The following SPAG16 variants were observed in gnomAD, a reference collection of about 807,000 sequenced individuals.
SPAG16 encodes sperm associated antigen 16, also known as sperm-associated antigen 16 protein.
SPAG16 carries 86 observed loss-of-function variants against 80.4 expected under a neutral mutation model. The ratio of observed to expected loss-of-function variants is 1.07; its 90% CI spans 0.90 to 1.28. SPAG16 has a LOEUF of 1.28. Among genes scored for constraint, SPAG16 ranks in the 50% most tolerant of loss-of-function variants. The probability of loss-of-function intolerance (pLI) is 0.00; values close to 1 mark genes in which losing one functional copy is unlikely to be tolerated. For synonymous variants in SPAG16, 294 were observed against 265.9 expected (o/e 1.11, Z -1.03); for missense variants, 870 against 765.3 (o/e 1.14, Z -1.61).
At chr2:214,032,510 C>CT (rs2048464842) in intron 13 of SPAG16, among the ~76,000 whole-genome samples, 1 of 151,900 alleles carries the variant, frequency 6.6e-6, no homozygotes, top group South Asian at 2.1e-4. Flanking sequence ...TAACAATTGC[C>CT]TGTATGAATA....
At chr2:214,232,818 G>T (rs2125805203) in intron 15 of SPAG16, among the ~76,000 whole-genome samples, 1 of 151,926 alleles carries the variant, frequency 6.6e-6, no homozygotes, top group African/African-American at 2.4e-5. Context: ...TTCTGATGTG[G>T]TATGATTTTC....
intron 10 of SPAG16, among the ~76,000 whole-genome samples, chr2:213,792,910 G>A (rs997342367): frequency 6.6e-6 from 1 of 151,252 alleles, no homozygotes; most frequent in African/African-American, 2.4e-5. Flanking sequence ...AGATCTTTAA[G>A]TAATTTTTCC....
intron 13 of SPAG16, among the ~76,000 whole-genome samples, chr2:214,072,202 A>G (rs2050819593): frequency 1.3e-5 from 2 of 152,118 alleles, no homozygotes; most frequent in South Asian, 4.1e-4. Flanking sequence ...AGAGAAGTAA[A>G]TGTCCTTTGA....
chr2:213,605,201 T>A (rs1170458866), intron 10 of SPAG16, among the ~76,000 whole-genome samples: 1 of 151,992 alleles, frequency 6.6e-6, no homozygotes, highest in Non-Finnish European at 1.5e-5. Context: ...CCCAACTATC[T>A]CAAAATACTG....
chr2:214,277,711 G>A (rs935049986), intron 15 of SPAG16, among the ~76,000 whole-genome samples: 29 of 152,200 alleles, frequency 1.9e-4, no homozygotes, highest in African/African-American at 7.0e-4. Flanking sequence ...CATGTATGAG[G>A]TGTCAATCAG....
chr2:213,694,757 T>A (rs1228225879), intron 10 of SPAG16, among the ~76,000 whole-genome samples: 1 of 147,266 alleles, frequency 6.8e-6, no homozygotes, highest in African/African-American at 2.4e-5. Flanking sequence ...TTCCTTTCTT[T>A]ATCCTTCTCT....
At chr2:213,742,553 T>TTTG (rs1553621198) in intron 10 of SPAG16, among the ~76,000 whole-genome samples, 2 of 131,632 alleles carry the variant, frequency 1.5e-5, no homozygotes, top group South Asian at 2.2e-4. Flanking sequence ...ATTTCTTTTT[T>TTTG]TTTTTTTTTT....
At chr2:214,367,539 C>T (rs529363356) in intron 15 of SPAG16, among the ~76,000 whole-genome samples, 1 of 152,138 alleles carries the variant, frequency 6.6e-6, no homozygotes, top group Non-Finnish European at 1.5e-5. Flanking sequence ...GCGGAAAAGG[C>T]TTCTATGATG....
At chr2:213,654,598 T>C (rs997457953) in intron 10 of SPAG16, among the ~76,000 whole-genome samples, 1 of 144,704 alleles carries the variant, frequency 6.9e-6, no homozygotes, top group Non-Finnish European at 1.5e-5. Context: ...GCGCCTGTAG[T>C]CCCAGCTACT....
chr2:214,394,800 A>T (rs1023514613), intron 15 of SPAG16, among the ~76,000 whole-genome samples: 18 of 152,190 alleles, frequency 1.2e-4, no homozygotes, highest in African/African-American at 4.3e-4. Flanking sequence ...ACGTATATCC[A>T]TCATGATACT....
intron 12 of SPAG16, among the ~76,000 whole-genome samples, chr2:213,941,949 C>G (rs1407611658): frequency 6.6e-6 from 1 of 152,138 alleles, no homozygotes; most frequent in Non-Finnish European, 1.5e-5. Flanking sequence ...CTGTGAGCAC[C>G]ATTTCTTATC....
chr2:213,868,908 C>T (rs968046244), intron 11 of SPAG16, among the ~76,000 whole-genome samples: 2 of 152,144 alleles, frequency 1.3e-5, no homozygotes, highest in African/African-American at 4.8e-5. Flanking sequence ...GTGCCTAAAA[C>T]CATAGTATGA....
chr2:213,848,257 A>G (rs1385837992), intron 10 of SPAG16, among the ~76,000 whole-genome samples: 1 of 152,190 alleles, frequency 6.6e-6, no homozygotes, highest in Non-Finnish European at 1.5e-5. Context: ...ATGGGAGTCA[A>G]TAGATTATCT....
chr2:213,525,284 CTTTTTTT>C (rs71060436), intron 10 of SPAG16, among the ~76,000 whole-genome samples: 3 of 100,316 alleles, frequency 3.0e-5, no homozygotes, highest in South Asian at 3.4e-4. Context: ...TTTTCCTTTT[CTTTTTTT>C]TTTTTTTTTT....
At chr2:214,014,565 G>A (rs1027970770) in intron 13 of SPAG16, among the ~76,000 whole-genome samples, 26 of 152,182 alleles carry the variant, frequency 1.7e-4, no homozygotes, top group African/African-American at 6.3e-4. Flanking sequence ...TGGAGGGTAA[G>A]TAGGATATAT....
At chr2:213,455,536 TC>T (rs1327779549) in intron 9 of SPAG16, among the ~76,000 whole-genome samples, 1 of 152,138 alleles carries the variant, frequency 6.6e-6, no homozygotes, top group Non-Finnish European at 1.5e-5. Context: ...AGGTCAGCAG[TC>T]CCCAGACTTT....
chr2:213,631,495 G>A (rs1045815315), intron 10 of SPAG16, among the ~76,000 whole-genome samples: 1 of 152,142 alleles, frequency 6.6e-6, no homozygotes, highest in Non-Finnish European at 1.5e-5. Flanking sequence ...TCCCAATGTT[G>A]GAGGTAGAGT....
intron 12 of SPAG16, among the ~76,000 whole-genome samples, chr2:214,000,408 G>A (rs2124870125): frequency 6.6e-6 from 1 of 152,226 alleles, no homozygotes; most frequent in Non-Finnish European, 1.5e-5. Context: ...TAAGTCCAAT[G>A]AAACCTCTTT....
At position 213,929,319 on chromosome 2, in the gene SPAG16, G is replaced by A. The variant is rs139907728; in HGVS notation, c.1215-641G>A. On this transcript the variant is annotated intron_variant, in intron 11 of 15. Transcript: ENST00000331683. The stretch of plus-strand genomic sequence containing the variant: ...GTGAGCCACCGTGCCCGAGCCTGAC[G>A]CCTACCCATTTCTTAAACTAGCTTT... Among the ~76,000 whole-genome samples, 59 of 151,758 alleles carry A rather than the reference G, an allele frequency of 3.9e-4. 1 individual carries two copies. In the East Asian group the frequency reaches 0.011, roughly 28 times the overall value.
Sources: allele counts gnomAD v4.1 joint callset (sites outside exome capture counted in the v4.1 genomes callset), GRCh38; gene constraint gnomAD v4.1.1; transcripts MANE v1.5; gene names NCBI Gene and HGNC (gene_info 2026-07-23, HGNC 2026-07-21).